The following DIP2C variants were observed in gnomAD, a reference collection of about 807,000 sequenced individuals.
DIP2C encodes disco-interacting protein 2 homolog C.
In DIP2C, 33 loss-of-function variants were observed where a neutral mutation model predicts 192.4. The ratio of observed to expected loss-of-function variants is 0.17; its 90% confidence interval spans 0.13 to 0.23. DIP2C has a LOEUF of 0.23. DIP2C is among the 10% of genes least tolerant of loss of function. The pLI is 1.00. For synonymous variants in DIP2C, 979 were observed against 864.1 expected, an observed-to-expected ratio of 1.13 and a Z score of -2.33; for missense variants, 1,537 against 2,110.1, an observed-to-expected ratio of 0.73 and a Z score of 5.32.
chr10:606,646 T>G (rs1852507440), intron 1 of DIP2C, among the ~76,000 whole-genome samples: 1 of 152,244 alleles, frequency 6.6e-6, no homozygotes, highest in Non-Finnish European at 1.5e-5. Flanking sequence ...ATGGCCCCAC[T>G]GCTGTAATTA....
chr10:373,254 GCA>G (rs529271260), intron 17 of DIP2C, among the ~76,000 whole-genome samples: 9 of 152,162 alleles, frequency 5.9e-5, no homozygotes, highest in Non-Finnish European at 1.0e-4. Context: ...ACCAACGTCA[GCA>G]CATTCTTAGT....
intron 1 of DIP2C, among the ~76,000 whole-genome samples, chr10:671,892 C>A (rs1830663499): frequency 7.0e-6 from 1 of 142,684 alleles, no homozygotes; most frequent in East Asian, 2.2e-4. Context: ...GCCATAGACA[C>A]ACGGACGGAG....
chr10:456,293 GGCC>G (rs1969286622), intron 3 of DIP2C, among the ~76,000 whole-genome samples: 1 of 120,614 alleles, frequency 8.3e-6, no homozygotes, highest in African/African-American at 4.2e-5. Context: ...CCTGAGGGGA[GGCC>G]ATGAGGAGTA....
intron 1 of DIP2C, among the ~76,000 whole-genome samples, chr10:497,072 T>C (rs963300182): frequency 6.6e-6 from 1 of 152,106 alleles, no homozygotes; most frequent in African/African-American, 2.4e-5. Context: ...TGCAGTGAGC[T>C]GAGATCGTGC....
intron 1 of DIP2C, among the ~76,000 whole-genome samples, chr10:538,825 T>TA (rs1212794768): frequency 6.6e-6 from 1 of 152,224 alleles, no homozygotes; most frequent in African/African-American, 2.4e-5. Context: ...AAGCACTGGG[T>TA]AATATGACTT....
intron 28 of DIP2C, among the ~76,000 whole-genome samples, chr10:341,652 A>G (rs1243540423): frequency 6.6e-6 from 1 of 152,222 alleles, no homozygotes; most frequent in African/African-American, 2.4e-5. Context: ...TACCTACAAG[A>G]CAATAAAGCC....
chr10:384,809 G>A (rs1294051673), intron 14 of DIP2C, among the ~76,000 whole-genome samples, 170 bp from the exon 15 acceptor site: 1 of 151,532 alleles, frequency 6.6e-6, no homozygotes, highest in East Asian at 1.9e-4. Flanking sequence ...GGGCTGGCAG[G>A]GATGGCAAAT....
At chr10:523,412 T>C (rs1486861330) in intron 1 of DIP2C, among the ~76,000 whole-genome samples, 1 of 145,040 alleles carries the variant, frequency 6.9e-6, no homozygotes, top group African/African-American at 2.6e-5. Context: ...CAAAGGACCC[T>C]GGAGTGAAGA....
At chr10:528,523 C>A (rs544729351) in intron 1 of DIP2C, among the ~76,000 whole-genome samples, 2 of 152,336 alleles carry the variant, frequency 1.3e-5, no homozygotes, top group Admixed American at 1.3e-4. Flanking sequence ...GATGTGGACA[C>A]TTAGTGGCTT....
chr10:308,887 C>T (rs998839144), intron 32 of DIP2C, among the ~76,000 whole-genome samples: 6 of 152,194 alleles, frequency 3.9e-5, no homozygotes, highest in African/African-American at 4.8e-5. Flanking sequence ...AGCCACTGGC[C>T]GTCCCATGCA....
chr10:466,147 A>G (rs1463766548), intron 3 of DIP2C, among the ~76,000 whole-genome samples: 200 of 150,690 alleles, frequency 1.3e-3, no homozygotes, highest in African/African-American at 3.9e-3. Flanking sequence ...TTTACTACAA[A>G]GCTACAGTAA....
In DIP2C at chr10:357,675, G is replaced by T. The variant is rs1374841203; in HGVS notation, c.2904+153C>A. Among the ~76,000 whole-genome samples the T allele has an allele frequency of 2.0e-5, 3 of 152,030 alleles. No individual in the cohort carries two copies. In the South Asian group the frequency reaches 6.2e-4, roughly 32 times the overall value. On this transcript the variant is annotated intron_variant, in intron 23 of 36. Coordinates refer to ENST00000280886, the MANE Select transcript of DIP2C (RefSeq NM_014974.3). ...ATCGGAGACTGTCGGGAAAGTCGGGGACTGTCGGGGACGGTTGCGGACAGT... is the reference window on the plus strand; with the variant it reads ...ATCGGAGACTGTCGGGAAAGTCGGGTACTGTCGGGGACGGTTGCGGACAGT...
chr10:581,786 C>A (rs1850680623), intron 1 of DIP2C, among the ~76,000 whole-genome samples: 1 of 152,074 alleles, frequency 6.6e-6, no homozygotes, highest in Admixed American at 6.5e-5. Flanking sequence ...CCTTGAGAAG[C>A]CTTCAATCCC....
In DIP2C at chr10:363,881, T is replaced by C. The variant is rs1959850918; in HGVS notation, c.2477+493A>G. ...TGAAAAAAGGCTCTAAAACACTTTA[T>C]GACTTCCTCCAGATTGGCAAAAACT... On this transcript the variant is annotated intron_variant, in intron 20 of 36. Transcript: ENST00000280886. The surrounding 1 kb of genome is among the most constrained non-coding windows in gnomAD (Gnocchi z 5.4). 6.6e-6 allele frequency among the ~76,000 whole-genome samples: 1 copy of C among 152,202 alleles called. No individual in the cohort carries two copies. The highest frequency in any genetic ancestry group is 2.4e-5 in the African/African-American group (1 of 41,444).
chr10:678,420 G>C (rs1430708070), intron 1 of DIP2C, among the ~76,000 whole-genome samples: 13 of 151,934 alleles, frequency 8.6e-5, no homozygotes, highest in Non-Finnish European at 1.8e-4. Flanking sequence ...TCTGAGCACA[G>C]AGTACGTGTT....
At chr10:554,694 G>A (rs2130961276) in intron 1 of DIP2C, among the ~76,000 whole-genome samples, 1 of 152,330 alleles carries the variant, frequency 6.6e-6, no homozygotes, top group Admixed American at 6.5e-5. Context: ...CCAGGGCCAG[G>A]ACACCGCGCA....
At chr10:632,231 G>A (rs372065468) in intron 1 of DIP2C, among the ~76,000 whole-genome samples, 17 of 152,276 alleles carry the variant, frequency 1.1e-4, no homozygotes, top group Admixed American at 6.5e-4. Context: ...CCCAGTATAG[G>A]TCAAGGTGTG....
At chr10:412,955 T>C (rs1468069299) in intron 8 of DIP2C, among the ~76,000 whole-genome samples, 1 of 152,258 alleles carries the variant, frequency 6.6e-6, no homozygotes, top group Non-Finnish European at 1.5e-5. Flanking sequence ...ATTTTGGTCC[T>C]TCAGTTATTT....
chr10:555,745 T>C (rs1848818589), intron 1 of DIP2C, among the ~76,000 whole-genome samples: 1 of 152,030 alleles, frequency 6.6e-6, no homozygotes, highest in Non-Finnish European at 1.5e-5. Context: ...AAAGAATCTA[T>C]AGAGGAAGGA....
Sources: allele counts gnomAD v4.1 joint callset (sites outside exome capture counted in the v4.1 genomes callset), GRCh38; gene constraint gnomAD v4.1.1; non-coding constraint Gnocchi (gnomAD v3.1); transcripts MANE v1.5; gene names NCBI Gene and HGNC (gene_info 2026-07-23, HGNC 2026-07-21).